Variants in PCDH11X observed in about 807,000 individuals in gnomAD.
PCDH11X encodes protocadherin-11 X-linked.
Under a neutral mutation model 53.3 loss-of-function variants are expected in PCDH11X, and 18 were observed. The ratio of observed to expected loss-of-function variants is 0.34; its 90% CI spans 0.23 to 0.50. The LOEUF (loss-of-function observed/expected upper bound fraction) is 0.50, where lower values mean the gene tolerates loss of function less well. Ranked by LOEUF, PCDH11X falls within the 20% of genes least tolerant of loss-of-function variation. The pLI, the probability that PCDH11X is intolerant of heterozygous loss-of-function variation, is 0.98. For synonymous variants in PCDH11X, 279 were observed against 393.3 expected (o/e 0.71, Z 3.44); for missense variants, 570 against 1,032.4 (o/e 0.55, Z 6.14).
At chrX:91,930,289 AT>A (rs1459008482) in intron 6 of PCDH11X, among the ~76,000 whole-genome samples, 27 of 109,202 alleles carry the variant, frequency 2.5e-4, no homozygotes, top group African/African-American at 7.6e-4. Context: ...AGCATACCTG[AT>A]AGTGGTGGTA....
intron 6 of PCDH11X, among the ~76,000 whole-genome samples, chrX:92,072,469 G>A (rs140749186): frequency 0.021 from 2,335 of 111,371 alleles, 62 homozygotes; most frequent in African/African-American, 0.072. Flanking sequence ...TATCACTGCT[G>A]GTTATTCAGA....
At chrX:92,075,088 T>A (rs1248422926) in intron 6 of PCDH11X, among the ~76,000 whole-genome samples, 4 of 110,134 alleles carry the variant, frequency 3.6e-5, no homozygotes, top group Non-Finnish European at 7.6e-5. Context: ...GGGATACTTT[T>A]ATTCTTAGTG....
rs868263509 is a variant in PCDH11X at position 91,853,701 on chromosome X, T to C, written c.540+17657T>C. Among the ~76,000 whole-genome samples, 163 of 110,537 alleles carry C rather than the reference T, an allele frequency of 1.5e-3. 2 individuals carry two copies. The highest frequency in any genetic ancestry group is 6.8e-3 in the Admixed American group (71 of 10,435). ...AAAAACTAATGGAAGATTCAATATA[T>C]GAATGAGACACAAAAGTTGATAGTG... is the stretch of plus-strand genomic sequence containing the variant. On this transcript the variant is annotated intron_variant, in intron 5 of 10. Coordinates refer to ENST00000682573, the MANE Select transcript of PCDH11X (RefSeq NM_032968.5).
At chrX:92,576,623 A>C (rs998412576) in intron 10 of PCDH11X, among the ~76,000 whole-genome samples, 3 of 109,442 alleles carry the variant, frequency 2.7e-5, no homozygotes, top group African/African-American at 9.9e-5. Context: ...TCATCCTATA[A>C]GTGATTATTT....
intron 6 of PCDH11X, among the ~76,000 whole-genome samples, chrX:91,978,069 A>T (rs1289456811): frequency 9.0e-6 from 1 of 111,497 alleles, no homozygotes; most frequent in Non-Finnish European, 1.9e-5. Context: ...GAGGGGTAAG[A>T]TCCAAAGTCT....
At position 92,016,696 on chromosome X, in the gene PCDH11X, G is replaced by A. The variant is rs1478966860; in HGVS notation, c.3033+137423G>A. Among the ~76,000 whole-genome samples, 3 of 111,033 alleles carry A rather than the reference G, an allele frequency of 2.7e-5. No homozygotes were observed. The Admixed American group carries it at 2.9e-4, about 11-fold the overall frequency. On this transcript the variant is annotated intron_variant, in intron 6 of 10. Transcript: ENST00000682573. The stretch of plus-strand genomic sequence containing the variant: ...TTGGCTGAAGGGAATGTTGCGGATG[G>A]TTTGATCTTCTATCTAGACCACTGA...
intron 7 of PCDH11X, among the ~76,000 whole-genome samples, chrX:92,229,192 G>A (rs1191597110): frequency 9.0e-6 from 1 of 111,445 alleles, no homozygotes; most frequent in Non-Finnish European, 1.9e-5. Flanking sequence ...GACTTGGATG[G>A]GAGAAAATAG....
chrX:92,306,058 T>C (rs1364197617), intron 8 of PCDH11X, among the ~76,000 whole-genome samples: 2 of 111,772 alleles, frequency 1.8e-5, no homozygotes, highest in African/African-American at 6.5e-5. Flanking sequence ...GCTAAAATTA[T>C]ACAAAGTATC....
At chrX:91,868,528 GCACTC>G (rs1275061042) in intron 5 of PCDH11X, among the ~76,000 whole-genome samples, 1 of 111,559 alleles carries the variant, frequency 9.0e-6, no homozygotes, top group African/African-American at 3.3e-5. Context: ...AGAGTTAGAA[GCACTC>G]AAGAAGCCCT....
chrX:92,183,520 C>G (rs773033659), intron 6 of PCDH11X, among the ~76,000 whole-genome samples: 1 of 111,773 alleles, frequency 8.9e-6, no homozygotes, highest in Non-Finnish European at 1.9e-5. Context: ...GCCTCCCAGG[C>G]GTGAGCCACC....
At chrX:92,401,170 G>A (rs201131748) in intron 9 of PCDH11X, among the ~76,000 whole-genome samples, 13,687 of 104,972 alleles carry the variant, frequency 0.13, 1,857 homozygotes, top group East Asian at 0.68. Context: ...AAATGTACAG[G>A]CTACTTTTTG....
Position 92,362,960 on chromosome X carries a change from A to G in PCDH11X, c.3145-24775A>G, listed in dbSNP as rs180924783. Reference sequence around the variant, plus strand: ...TTGAGCCTTTGTTTTTAGGTTCCCTATCATGTGAACCTTTAATTTTAGGTT... The same window carrying G: ...TTGAGCCTTTGTTTTTAGGTTCCCTGTCATGTGAACCTTTAATTTTAGGTT... On this transcript the variant is annotated intron_variant, in intron 8 of 10. Transcript: ENST00000682573. Among the ~76,000 whole-genome samples, 419 of 106,876 alleles carry G rather than the reference A, an allele frequency of 3.9e-3. 2 individuals carry two copies. The highest frequency in any genetic ancestry group is 0.013 in the African/African-American group (398 of 29,492). 92.8% of individuals were successfully genotyped at this position (106,876 alleles called of 115,157 possible). A position where few individuals can be genotyped will look rare whatever the true frequency, so the allele number is the denominator to read the frequency against.
chrX:92,610,254 C>T (rs768802068), intron 10 of PCDH11X, among the ~76,000 whole-genome samples: 5 of 111,674 alleles, frequency 4.5e-5, no homozygotes, highest in African/African-American at 6.5e-5. Context: ...ACTTTGTCAG[C>T]GTCTGTTGTT....
intron 7 of PCDH11X, among the ~76,000 whole-genome samples, chrX:92,258,512 C>T (rs910450485): frequency 2.4e-4 from 26 of 109,670 alleles, no homozygotes; most frequent in East Asian, 1.2e-3. Flanking sequence ...GGACTACAGG[C>T]GCCCGCCACC....
At chrX:92,301,592 C>T (rs1189543050) in intron 8 of PCDH11X, among the ~76,000 whole-genome samples, 1 of 111,098 alleles carries the variant, frequency 9.0e-6, no homozygotes, top group Non-Finnish European at 1.9e-5. Flanking sequence ...AAGTGAATCA[C>T]TCCTCACATG....
intron 6 of PCDH11X, among the ~76,000 whole-genome samples, chrX:91,913,666 A>T (rs755147893): frequency 1.6e-4 from 18 of 111,581 alleles, no homozygotes; most frequent in Admixed American, 2.9e-4. Context: ...TGGGAGCTTT[A>T]TGGCCCCACC....
At chrX:92,267,699 C>T (rs1363817897) in intron 8 of PCDH11X, among the ~76,000 whole-genome samples, 1 of 112,621 alleles carries the variant, frequency 8.9e-6, no homozygotes, top group African/African-American at 3.2e-5. Context: ...ATGGCACTAT[C>T]TTAGCTCATT....
chrX:92,190,343 C>G (rs927456976), intron 6 of PCDH11X, among the ~76,000 whole-genome samples: 1 of 111,621 alleles, frequency 9.0e-6, no homozygotes, highest in African/African-American at 3.3e-5. Flanking sequence ...ATTGCTTGCT[C>G]TTGTCAGATT....
At chrX:92,014,968 T>G (rs1422465963) in intron 6 of PCDH11X, among the ~76,000 whole-genome samples, 2 of 110,818 alleles carry the variant, frequency 1.8e-5, no homozygotes, top group African/African-American at 3.3e-5. Flanking sequence ...CACACCAACA[T>G]GGCACATGTT....
Sources: gnomAD v4.1 joint callset for allele counts (sites outside exome capture counted in the v4.1 genomes callset) on GRCh38, gnomAD v4.1.1 for gene constraint, MANE v1.5 for transcripts, NCBI Gene and HGNC (gene_info 2026-07-23, HGNC 2026-07-21) for gene names.